The following VPS8 variants were observed in gnomAD, a reference collection of about 807,000 sequenced individuals.
The protein encoded by VPS8 is VPS8 subunit of CORVET complex, also known as vacuolar protein sorting-associated protein 8 homolog.
VPS8 carries 129 observed loss-of-function variants against 216.4 expected under a neutral mutation model. That is an observed-to-expected ratio of 0.60 (90% CI 0.52 to 0.69). VPS8 has a LOEUF of 0.69. Among genes scored for constraint, VPS8 ranks in the 30% least tolerant of loss-of-function variants. VPS8 has a pLI of 0.00. For missense variants in VPS8, 1,531 were observed against 1,683.5 expected (o/e 0.91, Z 1.59); for synonymous variants, 571 against 565.4 (o/e 1.01, Z -0.14).
chr3:184,839,140 C>G (rs1407891073), intron 6 of VPS8: 1 of 188,822 alleles, frequency 5.3e-6, no homozygotes, highest in African/African-American at 2.4e-5. Flanking sequence ...GTCAGGCTTG[C>G]CAAATAGAAC....
rs1002707032 is a variant in VPS8 at position 184,922,604 on chromosome 3, G to A, written c.2455-2258G>A. 11 of 329,534 alleles carry A rather than the reference G, an allele frequency of 3.3e-5. No homozygotes were observed. In the East Asian group the frequency reaches 9.1e-4, roughly 27 times the overall value. 20.4% of individuals were successfully genotyped at this position (329,534 alleles called of 1,614,324 possible). On this transcript the variant is annotated intron_variant, in intron 29 of 47. Transcript: ENST00000625842. ...TGTTGGTGACTTGCCATTCTTGTAT[G>A]TTGTCTTGATAGTGTTTATCTTGCG... is the stretch of plus-strand genomic sequence containing the variant.
At chr3:184,871,013 G>T (rs1239545266) in intron 21 of VPS8, among the ~76,000 whole-genome samples, 1 of 152,008 alleles carries the variant, frequency 6.6e-6, no homozygotes, top group African/African-American at 2.4e-5. Flanking sequence ...GTTACTTAGC[G>T]CTTAGCTGCT....
intron 40 of VPS8, among the ~76,000 whole-genome samples, chr3:184,973,531 CAT>C (rs776622508): frequency 3.3e-4 from 51 of 152,290 alleles, no homozygotes; most frequent in Middle Eastern, 3.4e-3. Flanking sequence ...TCACCTCAAA[CAT>C]TTATCATTTC....
chr3:184,877,563 G>A (rs112249246), intron 21 of VPS8, among the ~76,000 whole-genome samples: 500 of 152,194 alleles, frequency 3.3e-3, no homozygotes, highest in African/African-American at 0.011. Context: ...TCCTTATAAC[G>A]TACTTGAGGA....
chr3:184,937,739 A>C (rs992203822), intron 35 of VPS8, among the ~76,000 whole-genome samples: 3 of 152,182 alleles, frequency 2.0e-5, no homozygotes, highest in African/African-American at 7.2e-5. Context: ...AAAGCCTTGA[A>C]GGCATAAAGC....
At chr3:184,998,085 T>C (rs1752855653) in intron 44 of VPS8, among the ~76,000 whole-genome samples, 1 of 152,070 alleles carries the variant, frequency 6.6e-6, no homozygotes, top group Admixed American at 6.5e-5. Flanking sequence ...AAGGGGACAG[T>C]GAAAGAGACT....
intron 36 of VPS8, among the ~76,000 whole-genome samples, chr3:184,950,019 C>T (rs1744373655): frequency 6.6e-6 from 1 of 151,838 alleles, no homozygotes; most frequent in African/African-American, 2.4e-5. Flanking sequence ...AAGTGATTCT[C>T]CTGCCTTTGT....
intron 15 of VPS8, among the ~76,000 whole-genome samples, chr3:184,861,487 C>G (rs1726369857): frequency 1.3e-5 from 2 of 152,158 alleles, no homozygotes; most frequent in South Asian, 4.1e-4. Flanking sequence ...ATTCTTTCTT[C>G]CATACACATT....
intron 25 of VPS8, among the ~76,000 whole-genome samples, chr3:184,912,623 G>T (rs1736771069): frequency 6.6e-6 from 1 of 152,050 alleles, no homozygotes; most frequent in Non-Finnish European, 1.5e-5. Context: ...TGCCATGCAG[G>T]TGGTGATCAC....
At chr3:184,950,850 G>T (rs1274919307) in intron 36 of VPS8, among the ~76,000 whole-genome samples, 1 of 152,150 alleles carries the variant, frequency 6.6e-6, no homozygotes, top group Non-Finnish European at 1.5e-5. Flanking sequence ...AGTTTGTTAA[G>T]CATGATGGCT....
intron 42 of VPS8, among the ~76,000 whole-genome samples, chr3:184,989,326 T>C (rs922719059): frequency 1.3e-5 from 2 of 152,240 alleles, no homozygotes; most frequent in Non-Finnish European, 2.9e-5. Flanking sequence ...TGAGTGGGCG[T>C]TGGATTTTAT....
chr3:184,879,511 G>A (rs1037239779), intron 21 of VPS8, among the ~76,000 whole-genome samples: 2 of 152,130 alleles, frequency 1.3e-5, no homozygotes, highest in Non-Finnish European at 2.9e-5. Context: ...CCTGTAGAGA[G>A]GCATATGTAG....
At chr3:184,825,581 A>G (rs925718167) in intron 2 of VPS8, among the ~76,000 whole-genome samples, 12 of 152,236 alleles carry the variant, frequency 7.9e-5, no homozygotes, top group Non-Finnish European at 1.5e-5. Context: ...TTAAGAAAGC[A>G]GATGCAAAAG....
chr3:184,887,840 CTA>C (rs1481444658), intron 22 of VPS8, among the ~76,000 whole-genome samples: 2 of 152,136 alleles, frequency 1.3e-5, no homozygotes, highest in Admixed American at 1.3e-4. Context: ...CAGTAATTTG[CTA>C]TGTCAGACCT....
intron 22 of VPS8, chr3:184,893,264 T>C (rs1384808235): frequency 7.8e-7 from 1 of 1,287,958 alleles, no homozygotes; most frequent in African/African-American, 1.5e-5. Context: ...CCCATCCTAG[T>C]CCTTTCAGGA....
rs376427950 is a variant in VPS8, at chr3:184,886,179, A to G, written c.1781+23A>G. 73 of 1,597,254 alleles carry G rather than the reference A, an allele frequency of 4.6e-5. No homozygotes were observed. In the African/African-American group the frequency reaches 6.6e-4, roughly 14 times the overall value. ...AAAGTGAGTATGCGTTGCCTGTCAC[A>G]TTCAATTATTTTGAACCCAGGTAGC... On this transcript the variant is annotated intron_variant, in intron 22 of 47. Transcript: ENST00000625842.
At chr3:184,865,951 G>T (rs543254074) in intron 16 of VPS8, among the ~76,000 whole-genome samples, 104 of 151,640 alleles carry the variant, frequency 6.9e-4, no homozygotes, top group South Asian at 5.6e-3. Context: ...TGGTGCCACT[G>T]GACTCCAGCC....
At chr3:185,044,692 A>T (rs147743467) in intron 46 of VPS8, among the ~76,000 whole-genome samples, 1 of 152,090 alleles carries the variant, frequency 6.6e-6, no homozygotes, top group Non-Finnish European at 1.5e-5. Flanking sequence ...TTCTAGGGTC[A>T]TGACTACTAC....
chr3:184,868,571 A>G (rs1053485667), intron 18 of VPS8, among the ~76,000 whole-genome samples: 1 of 152,208 alleles, frequency 6.6e-6, no homozygotes, highest in African/African-American at 2.4e-5. Context: ...CATTGTTCCC[A>G]GTGGCTACAA....
Sources: gnomAD v4.1 joint callset for allele counts (sites outside exome capture counted in the v4.1 genomes callset) on GRCh38, gnomAD v4.1.1 for gene constraint, MANE v1.5 for transcripts, NCBI Gene and HGNC (gene_info 2026-07-23, HGNC 2026-07-21) for gene names.